The following NR3C1 variants were observed in gnomAD, a reference collection of about 807,000 sequenced individuals.
NR3C1 encodes the protein nuclear receptor subfamily 3 group C member 1, also known as glucocorticoid receptor.
NR3C1 carries 14 observed loss-of-function variants against 74.0 expected under a neutral mutation model. The observed-to-expected ratio is 0.19, with a 90% CI of 0.12 to 0.30. The LOEUF is 0.30. NR3C1 is among the 10% of genes least tolerant of loss of function. NR3C1 has a pLI of 1.00. For synonymous variants in NR3C1, 308 were observed against 332.5 expected (o/e 0.93, Z 0.80); for missense variants, 695 against 909.8 (o/e 0.76, Z 3.04).
intron 2 of NR3C1, among the ~76,000 whole-genome samples, chr5:143,330,739 A>T (rs1825778062): frequency 6.6e-6 from 1 of 152,228 alleles, no homozygotes; most frequent in Non-Finnish European, 1.5e-5. Context: ...TTAAAATTTT[A>T]ATTACCAACA....
intron 2 of NR3C1, among the ~76,000 whole-genome samples, chr5:143,386,744 C>CA (rs1837299521): frequency 1.3e-5 from 2 of 152,062 alleles, no homozygotes; most frequent in Non-Finnish European, 2.9e-5. Context: ...GGGGCATTTG[C>CA]AAAAAGAAGA....
chr5:143,403,365 G>T lies in NR3C1; in HGVS notation c.-168C>A. 2.0e-6 allele frequency: 2 copies of T among 985,458 alleles called. No individual in the cohort carries two copies. Among genetic ancestry groups the T allele is most frequent in the Non-Finnish European group, 2.4e-6 (2 of 829,958 alleles). 61.0% of individuals were successfully genotyped at this position (985,458 alleles called of 1,614,324 possible). A position where few individuals can be genotyped will look rare whatever the true frequency, so the allele number is the denominator to read the frequency against. On this transcript the variant is annotated 5_prime_UTR_variant, in exon 1 of 9. Coordinates refer to ENST00000394464, the MANE Select transcript of NR3C1 (RefSeq NM_000176.3). Reference sequence around the variant, plus strand: ...ACAGCCGCCCCTTTCTCCATGGGTGGGGGGAGAGCCCCTATTTAAGAAAGT... The same window carrying T: ...ACAGCCGCCCCTTTCTCCATGGGTGTGGGGAGAGCCCCTATTTAAGAAAGT...
chr5:143,293,920 C>A (rs1398689982), intron 7 of NR3C1: 2 of 980,480 alleles, frequency 2.0e-6, no homozygotes, highest in Non-Finnish European at 1.2e-6. Context: ...CTGAATTATA[C>A]CTTCATGGTA....
At chr5:143,286,690 T>TAGG (rs1463360282) in intron 7 of NR3C1, among the ~76,000 whole-genome samples, 2 of 152,118 alleles carry the variant, frequency 1.3e-5, no homozygotes, top group Non-Finnish European at 1.5e-5. Flanking sequence ...GACAAAGTTG[T>TAGG]AGGATCTAGA....
rs75010270 is a variant in NR3C1, at chr5:143,367,070, C to A, written c.1184+32586G>T. Among the ~76,000 whole-genome samples the A allele has an allele frequency of 1.0e-3, 155 of 152,194 alleles. 3 individuals carry two copies. The East Asian group carries it at 0.022, about 22-fold the overall frequency. On this transcript the variant is annotated intron_variant, in intron 2 of 8. Coordinates refer to ENST00000394464, the MANE Select transcript of NR3C1 (RefSeq NM_000176.3). ...TATAAAAAGGATTATAAACCATAAC[C>A]AAGTGAGATGAAACCCAAGAACACA...
chr5:143,403,295 G>A lies in NR3C1; in HGVS notation c.-98C>T, dbSNP rs1226531155. 1.0e-6 allele frequency: 1 copy of A among 984,584 alleles called. No homozygotes were observed. The highest frequency in any genetic ancestry group is 1.2e-6 in the Non-Finnish European group (1 of 829,304). The allele number at this position is 984,584 out of a possible 1,614,324, so 61.0% of individuals were successfully genotyped here. On this transcript the variant is annotated 5_prime_UTR_variant, in exon 1 of 9. Transcript: ENST00000394464. The stretch of plus-strand genomic sequence containing the variant: ...ACAACTTAGCTTGTGAACGCAGAAG[G>A]AGCAGGAGGGAAATATATTTTTTTT...
intron 2 of NR3C1, among the ~76,000 whole-genome samples, chr5:143,371,605 G>C (rs148039854): frequency 1.3e-5 from 2 of 152,206 alleles, no homozygotes; most frequent in African/African-American, 4.8e-5. Flanking sequence ...GGCGAGAAGA[G>C]CCTTGGGGTC....
At chr5:143,389,251 G>A (rs1168316002) in intron 2 of NR3C1, among the ~76,000 whole-genome samples, 1 of 152,126 alleles carries the variant, frequency 6.6e-6, no homozygotes, top group East Asian at 1.9e-4. Flanking sequence ...CCAGTGTCTA[G>A]CTTGATAAAT....
chr5:143,375,302 A>G (rs1481613768), intron 2 of NR3C1, among the ~76,000 whole-genome samples: 1 of 151,736 alleles, frequency 6.6e-6, no homozygotes, highest in Non-Finnish European at 1.5e-5. Flanking sequence ...ATTTAAACCT[A>G]AAAAAAAATC....
At chr5:143,403,732 C>A (rs945348028), upstream of NR3C1, 1 of 985,178 alleles carries the variant, frequency 1.0e-6, no homozygotes, top group Non-Finnish European at 1.2e-6. Context: ...CACTCCACCC[C>A]CGGCCGCTCC....
In NR3C1 at chr5:143,282,684, T is replaced by G. The variant is rs764474909; in HGVS notation, c.2065A>C (p.Ile689Leu). The change falls in exon 8 of 9, where the codon ATT becomes CTT. Residue 689 changes from isoleucine to leucine, a missense_variant. Coordinates refer to ENST00000394464, the MANE Select transcript of NR3C1 (RefSeq NM_000176.3). ...AGCTCTTTGATGTAGGTCATTCTAATTTCATCAAATAGCTCTTGGCTCTTC... is the reference window on the plus strand; with the variant it reads ...AGCTCTTTGATGTAGGTCATTCTAAGTTCATCAAATAGCTCTTGGCTCTTC... ...GLKSQELFDE[I>L]RMTYIKELGK... 2.5e-6 allele frequency: 4 copies of G among 1,614,032 alleles called. No homozygotes were observed. The highest frequency in any genetic ancestry group is 3.4e-6 in the Non-Finnish European group (4 of 1,179,950).
intron 2 of NR3C1, among the ~76,000 whole-genome samples, chr5:143,370,778 A>G (rs969562992): frequency 6.6e-6 from 1 of 152,096 alleles, no homozygotes; most frequent in Non-Finnish European, 1.5e-5. Context: ...TAATGACTCA[A>G]TATTTCAATC....
chr5:143,374,468 G>A (rs1475500960), intron 2 of NR3C1, among the ~76,000 whole-genome samples: 3 of 151,096 alleles, frequency 2.0e-5, no homozygotes, highest in Admixed American at 2.0e-4. Flanking sequence ...TCCAGCCTGG[G>A]CGACAGAGCG....
chr5:143,402,696 G>A, intron 1 of NR3C1: 2 of 985,324 alleles, frequency 2.0e-6, no homozygotes, highest in Non-Finnish European at 2.4e-6. Flanking sequence ...CCCCGCGTGT[G>A]CACCCTCACG....
intron 2 of NR3C1, among the ~76,000 whole-genome samples, chr5:143,332,027 T>C (rs1263582538): frequency 6.6e-6 from 1 of 152,176 alleles, no homozygotes; most frequent in African/African-American, 2.4e-5. Context: ...CCTTTATCCA[T>C]AGTTTAAAAT....
At position 143,314,192 on chromosome 5, in the gene NR3C1, T is replaced by C. The variant is rs754342034; in HGVS notation, c.1185-24A>G. The C allele has an allele frequency of 3.7e-6, 6 of 1,611,480 alleles. No individual in the cohort carries two copies. In the South Asian group the frequency reaches 5.5e-5, roughly 15 times the overall value. ...GGCTAAAGAAGGGGAAGAACAGTGTTATGATTTAACTGTCAAAGGAATATC... is the reference window on the plus strand; with the variant it reads ...GGCTAAAGAAGGGGAAGAACAGTGTCATGATTTAACTGTCAAAGGAATATC... On this transcript the variant is annotated intron_variant, in intron 2 of 8. Coordinates refer to ENST00000394464, the MANE Select transcript of NR3C1 (RefSeq NM_000176.3).
intron 2 of NR3C1, chr5:143,332,751 C>T (rs1826254313): frequency 6.3e-7 from 1 of 1,586,878 alleles, no homozygotes; most frequent in Admixed American, 1.7e-5. Context: ...GCCAGATAAA[C>T]ATTCCTTGGC....
intron 6 of NR3C1, among the ~76,000 whole-genome samples, chr5:143,297,097 GAAAA>G: frequency 8.0e-6 from 1 of 125,568 alleles, no homozygotes; most frequent in South Asian, 2.5e-4. Flanking sequence ...AAAAAAAAAA[GAAAA>G]GAAAAAGGTG....
At chr5:143,414,503 T>C (rs928671763) in intron 1 of NR3C1, among the ~76,000 whole-genome samples, 6 of 152,312 alleles carry the variant, frequency 3.9e-5, no homozygotes, top group Non-Finnish European at 7.4e-5. Context: ...CATCAGCAAA[T>C]AGTTATTGAA....
Sources: gnomAD v4.1 joint callset for allele counts (sites outside exome capture counted in the v4.1 genomes callset) on GRCh38, gnomAD v4.1.1 for gene constraint, MANE v1.5 for transcripts, NCBI Gene and HGNC (gene_info 2026-07-23, HGNC 2026-07-21) for gene names.